ZNF564: variants seen among roughly 807,000 people sequenced by gnomAD.
ZNF564 encodes the protein zinc finger protein 564.
A neutral mutation model predicts 10.5 loss-of-function variants in ZNF564; 5 were observed. The ratio of observed to expected loss-of-function variants is 0.48; its 90% CI spans 0.25 to 1.00. ZNF564 has a LOEUF of 1.00. Ranked by LOEUF, ZNF564 falls within the 50% of genes least tolerant of loss-of-function variation. The pLI is 0.16. For missense variants in ZNF564, 603 were observed against 669.7 expected, an observed-to-expected ratio of 0.90 and a Z score of 1.10; for synonymous variants, 242 against 218.1, an observed-to-expected ratio of 1.11 and a Z score of -0.97.
intron 1 of ZNF564, among the ~76,000 whole-genome samples, chr19:12,535,820 C>T (rs964188445): frequency 2.6e-5 from 4 of 151,950 alleles, no homozygotes; most frequent in African/African-American, 9.7e-5. Flanking sequence ...TCGAGACCAT[C>T]CTGGCCAACA....
Position 12,527,260 on chromosome 19 carries a change from C to T in ZNF564, c.848G>A (p.Cys283Tyr), listed in dbSNP as rs374246233. Residue 283 changes from cysteine (C) to tyrosine (Y), a missense_variant, in exon 4 of 4, where the codon TGT becomes TAT. By Grantham distance (194) the Cys-to-Tyr change is radical (BLOSUM62 -2). Transcript: ENST00000339282. ...RTHTGEKPHE[C>Y]KQCGKAFISF... The stretch of plus-strand genomic sequence containing the variant: ...AATGAAGGCCTTCCCACACTGTTTA[C>T]ATTCATGGGGTTTCTCTCCAGTATG... The T allele has an allele frequency of 1.2e-6, 2 of 1,614,152 alleles. No homozygotes were observed. Among genetic ancestry groups the T allele is most frequent in the Non-Finnish European group, 1.7e-6 (2 of 1,180,016 alleles).
intron 1 of ZNF564, among the ~76,000 whole-genome samples, chr19:12,533,727 C>CAAAAAAAAAAAAAAAAAAAAAAAAAA (rs59631972): frequency 1.0e-4 from 3 of 29,172 alleles, no homozygotes; most frequent in African/African-American, 1.7e-4. Flanking sequence ...CTGCTGTCTC[C>CAAAAAAAAAAAAAAAAAAAAAAAAAA]AAAAAAAAAA....
chr19:12,548,866 C>A (rs1213440681), intron 1 of ZNF564: 2 of 702,582 alleles, frequency 2.8e-6, no homozygotes, highest in Non-Finnish European at 5.2e-6. Context: ...CTCTACCCTG[C>A]AAAGGAGAAG....
intron 3 of ZNF564, 108 bp from the exon 4 acceptor site, chr19:12,528,024 T>C: frequency 8.0e-7 from 1 of 1,256,614 alleles, no homozygotes. Flanking sequence ...TTTTCAGGCC[T>C]GTATGAATTG....
At chr19:12,551,222 C>A in intron 1 of ZNF564, 108 bp downstream of exon 1, 1 of 1,333,908 alleles carries the variant, frequency 7.5e-7, no homozygotes, top group South Asian at 1.3e-5. Flanking sequence ...ACTCGGGTCC[C>A]AGACCCTGGA....
intron 1 of ZNF564, among the ~76,000 whole-genome samples, chr19:12,547,811 C>CTT (rs553349695): frequency 1.2e-3 from 168 of 139,938 alleles, no homozygotes; most frequent in African/African-American, 4.1e-3. Flanking sequence ...TATTCACTTA[C>CTT]TTTTTTTTTT....
At chr19:12,532,843 A>C (rs578136077) in intron 1 of ZNF564, 17 of 152,318 alleles carry the variant, frequency 1.1e-4, no homozygotes, top group African/African-American at 4.1e-4. Context: ...TTGCATAACA[A>C]GCGTTGCAAA....
In ZNF564 at chr19:12,527,098, T is replaced by C. The variant is rs746122860; in HGVS notation, c.1010A>G (p.Tyr337Cys). 3 of 1,614,152 alleles carry C rather than the reference T, an allele frequency of 1.9e-6. No individual in the cohort carries two copies. Among genetic ancestry groups the C allele is most frequent in the South Asian group, 2.2e-5 (2 of 91,082 alleles). ...GGTTTTACCACATTTATTACATTCA[T>C]AGGGTTTCTCCCCAGTATGAGTTCT... ...HERTHTGEKP[Y>C]ECNKCGKTFS... The change falls in exon 4 of 4, where the codon TAT (tyrosine) becomes TGT (cysteine). Residue 337 changes from tyrosine to cysteine, a missense_variant. Tyr to Cys is a radical substitution (Grantham distance 194). Coordinates refer to ENST00000339282, the MANE Select transcript of ZNF564 (RefSeq NM_144976.4).
In ZNF564 at chr19:12,540,727, G is replaced by A. The variant is rs925988864; in HGVS notation, c.3+10603C>T. On this transcript the variant is annotated intron_variant, in intron 1 of 3. Coordinates refer to ENST00000339282, the MANE Select transcript of ZNF564 (RefSeq NM_144976.4). The stretch of plus-strand genomic sequence containing the variant: ...AAATTAGCCGGGCGTGGTGGCGGGC[G>A]CCTGTAGTCCCAGCTACTCGGGAGG... 5.2e-4 allele frequency among the ~76,000 whole-genome samples: 79 copies of A among 151,964 alleles called. 1 individual carries two copies. The highest frequency in any genetic ancestry group is 1.8e-3 in the African/African-American group (75 of 41,428).
chr19:12,541,105 C>T (rs2022040185), intron 1 of ZNF564, among the ~76,000 whole-genome samples: 1 of 145,312 alleles, frequency 6.9e-6, no homozygotes, highest in Admixed American at 6.8e-5. Context: ...CAAAAATTAG[C>T]TGGGTGTGGT....
chr19:12,528,970 C>T (rs184461159), intron 1 of ZNF564, among the ~76,000 whole-genome samples: 8 of 152,222 alleles, frequency 5.3e-5, no homozygotes, highest in African/African-American at 1.9e-4. Context: ...GAGGCTGAGG[C>T]AGGGGAATCG....
chr19:12,541,148 G>A lies in ZNF564; in HGVS notation c.3+10182C>T, dbSNP rs2022041517. 2.0e-5 allele frequency among the ~76,000 whole-genome samples: 3 copies of A among 151,624 alleles called. No homozygotes were observed. The South Asian group carries it at 6.2e-4, about 32-fold the overall frequency. ...ACCTGCAGTTCCAGCTACTCAAGAG[G>A]CTCGAGGGAGGAGGATCACCTGAGC... On this transcript the variant is annotated intron_variant, in intron 1 of 3. Coordinates refer to ENST00000339282, the MANE Select transcript of ZNF564 (RefSeq NM_144976.4).
chr19:12,539,856 C>A (rs1293623980), intron 1 of ZNF564, among the ~76,000 whole-genome samples: 2 of 151,170 alleles, frequency 1.3e-5, no homozygotes, highest in African/African-American at 4.9e-5. Context: ...TGGTGGGCGC[C>A]TGTAGTCCCA....
intron 1 of ZNF564, among the ~76,000 whole-genome samples, chr19:12,550,945 A>G (rs938778509): frequency 6.6e-6 from 1 of 152,196 alleles, no homozygotes; most frequent in Non-Finnish European, 1.5e-5. Flanking sequence ...CCCGGAAAAA[A>G]AGACGATGTA....
intron 1 of ZNF564, among the ~76,000 whole-genome samples, chr19:12,533,705 C>T (rs10415808): frequency 0.013 from 1,520 of 118,360 alleles, 23 homozygotes; most frequent in African/African-American, 0.047. Flanking sequence ...CCAGCCTGGG[C>T]GACACAGCAG....
At chr19:12,542,164 C>A (rs911365814) in intron 1 of ZNF564, among the ~76,000 whole-genome samples, 2 of 151,428 alleles carry the variant, frequency 1.3e-5, no homozygotes, top group African/African-American at 2.4e-5. Flanking sequence ...CAAAAATTAG[C>A]CGGGTATGGT....
At position 12,526,623 on chromosome 19, in the gene ZNF564, A is replaced by G. The variant is rs368602365; in HGVS notation, c.1485T>C (p.His495=). Residue 495 remains histidine (H), a synonymous_variant, in exon 4 of 4, where the codon CAT becomes CAC. Coordinates refer to ENST00000339282, the MANE Select transcript of ZNF564 (RefSeq NM_144976.4). The part of the protein sequence containing the change: ...AFNYASSIRI[H]ERTHTGEKPY... ...GTTTTTCTCCGGTATGAGTTCTTTC[A>G]TGTATTCTAATGGAACTGGCATAAT... 1.9e-6 allele frequency: 3 copies of G among 1,614,040 alleles called. No homozygotes were observed. The highest frequency in any genetic ancestry group is 2.5e-6 in the Non-Finnish European group (3 of 1,180,016).
At chr19:12,532,334 G>A (rs1002194333) in intron 1 of ZNF564, among the ~76,000 whole-genome samples, 1 of 151,286 alleles carries the variant, frequency 6.6e-6, no homozygotes, top group East Asian at 1.9e-4. Flanking sequence ...AGGAGATTGA[G>A]ACCATCCTGG....
chr19:12,541,535 ACT>A (rs758044280), intron 1 of ZNF564: 4 of 150,212 alleles, frequency 2.7e-5, no homozygotes, highest in African/African-American at 9.8e-5. Context: ...GGGGATGGAG[ACT>A]CTGTCTCAAA....
Sources: gnomAD v4.1 joint callset for allele counts (sites outside exome capture counted in the v4.1 genomes callset) on GRCh38, gnomAD v4.1.1 for gene constraint, MANE v1.5 for transcripts, NCBI Gene and HGNC (gene_info 2026-07-23, HGNC 2026-07-21) for gene names.